The following CSGALNACT1 variants were observed in gnomAD, a reference collection of about 807,000 sequenced individuals.
CSGALNACT1 encodes the protein beta4GalNAcT-1.
CSGALNACT1 carries 52 observed loss-of-function variants against 51.0 expected under a neutral mutation model. The ratio of observed to expected loss-of-function variants is 1.02; its 90% CI spans 0.82 to 1.29. The LOEUF is 1.29. Ranked by LOEUF, CSGALNACT1 falls within the 50% of genes most tolerant of loss-of-function variation. The probability of loss-of-function intolerance (pLI) is 0.00; values close to 1 mark genes in which losing one functional copy is unlikely to be tolerated. For missense variants in CSGALNACT1, 935 were observed against 679.2 expected, an observed-to-expected ratio of 1.38 and a Z score of -4.19; for synonymous variants, 341 against 254.4, an observed-to-expected ratio of 1.34 and a Z score of -3.24.
chr8:19,481,660 ACAT>A (rs2071432927), intron 4 of CSGALNACT1, among the ~76,000 whole-genome samples: 1 of 152,178 alleles, frequency 6.6e-6, no homozygotes, highest in Admixed American at 6.5e-5. Flanking sequence ...AATCAAAATG[ACAT>A]CATAGTCGTT....
At chr8:19,571,874 G>C (rs771035962) in intron 3 of CSGALNACT1, among the ~76,000 whole-genome samples, 1 of 152,158 alleles carries the variant, frequency 6.6e-6, no homozygotes, top group Non-Finnish European at 1.5e-5. Context: ...CCTAAAAGAA[G>C]TTACTGTAAG....
chr8:19,428,340 G>A (rs555428252), intron 6 of CSGALNACT1, among the ~76,000 whole-genome samples: 24 of 152,302 alleles, frequency 1.6e-4, no homozygotes, highest in African/African-American at 4.3e-4. Flanking sequence ...CATTCATGGC[G>A]GAAGGCAGAA....
At chr8:19,662,993 G>A (rs1342055412) in intron 1 of CSGALNACT1, among the ~76,000 whole-genome samples, 1 of 152,142 alleles carries the variant, frequency 6.6e-6, no homozygotes, top group East Asian at 1.9e-4. Flanking sequence ...GAAAAGGAAA[G>A]GGGGAAAAAA....
At chr8:19,571,570 C>T (rs1588506239) in intron 3 of CSGALNACT1, among the ~76,000 whole-genome samples, 1 of 151,904 alleles carries the variant, frequency 6.6e-6, no homozygotes, top group East Asian at 1.9e-4. Flanking sequence ...TAAAAAGGAT[C>T]TACACATATT....
At chr8:19,705,206 A>G (rs1242795005) in intron 1 of CSGALNACT1, among the ~76,000 whole-genome samples, 1 of 152,226 alleles carries the variant, frequency 6.6e-6, no homozygotes, top group Non-Finnish European at 1.5e-5. Flanking sequence ...TTATACTTCA[A>G]TAAACTTGGG....
chr8:19,610,032 G>A (rs768102471), intron 1 of CSGALNACT1, among the ~76,000 whole-genome samples: 3 of 151,936 alleles, frequency 2.0e-5, no homozygotes, highest in Non-Finnish European at 4.4e-5. Context: ...GATCAGCCTG[G>A]CTAAGATGGT....
chr8:19,475,406 C>T (rs781408250), intron 4 of CSGALNACT1, among the ~76,000 whole-genome samples: 2 of 152,092 alleles, frequency 1.3e-5, no homozygotes, highest in Non-Finnish European at 2.9e-5. Context: ...TCAGACAATC[C>T]CTACAGCTAA....
intron 3 of CSGALNACT1, among the ~76,000 whole-genome samples, chr8:19,580,110 C>T (rs747609605): frequency 6.6e-6 from 1 of 152,190 alleles, no homozygotes; most frequent in Admixed American, 6.5e-5. Context: ...TTGCACTGGA[C>T]GAGCAGACAG....
intron 1 of CSGALNACT1, among the ~76,000 whole-genome samples, chr8:19,611,110 G>A (rs1340041595): frequency 1.3e-5 from 2 of 152,330 alleles, no homozygotes; most frequent in African/African-American, 4.8e-5. Context: ...AGTTAAAATT[G>A]TGAGTAATTA....
chr8:19,593,894 C>A lies in CSGALNACT1; in HGVS notation c.-415-2616G>T, dbSNP rs74447803. Among the ~76,000 whole-genome samples, 1,907 of 152,290 alleles carry A rather than the reference C, an allele frequency of 0.013. 87 individuals carry two copies. In the East Asian group the frequency reaches 0.15, roughly 12 times the overall value. ...TCTCAAGACCCTTCTCAACCTTGTG[C>A]TGAAACTTAATTTTCCTTCCCTGTC... On this transcript the variant is annotated intron_variant, in intron 2 of 9. Coordinates refer to ENST00000454498, the Ensembl canonical transcript of CSGALNACT1.
At chr8:19,453,679 AGGTG>A (rs2063575702) in intron 5 of CSGALNACT1, among the ~76,000 whole-genome samples, 1 of 152,210 alleles carries the variant, frequency 6.6e-6, no homozygotes, top group South Asian at 2.1e-4. Context: ...TGGGAGGCTG[AGGTG>A]GGCAGATCCC....
chr8:19,688,294 A>G (rs756078436), intron 1 of CSGALNACT1, among the ~76,000 whole-genome samples: 1 of 152,174 alleles, frequency 6.6e-6, no homozygotes, highest in Non-Finnish European at 1.5e-5. Flanking sequence ...TCATACCTAT[A>G]GGGACGTCAC....
rs117834961 is a variant in CSGALNACT1, at chr8:19,563,878, T to A, written c.-297+27282A>T. Among the ~76,000 whole-genome samples, 646 of 151,996 alleles carry A rather than the reference T, an allele frequency of 4.3e-3. 1 individual carries two copies. The highest frequency in any genetic ancestry group is 7.0e-3 in the Non-Finnish European group (479 of 67,964). The stretch of plus-strand genomic sequence containing the variant: ...CCCTTCAGCCCCTCCCCCAGGCATG[T>A]CCTCCCCAACCCTAGACTCCCACCA... On this transcript the variant is annotated intron_variant, in intron 3 of 9. Transcript: ENST00000454498.
At chr8:19,529,873 C>A (rs2082400535) in intron 3 of CSGALNACT1, among the ~76,000 whole-genome samples, 1 of 152,116 alleles carries the variant, frequency 6.6e-6, no homozygotes, top group Non-Finnish European at 1.5e-5. Context: ...ATGTAAATAG[C>A]TATTGTACTA....
Position 19,709,249 on chromosome 8 carries a change from C to T in CSGALNACT1, c.-297+48601G>A, listed in dbSNP as rs1030827637. Among the ~76,000 whole-genome samples, 4 of 152,178 alleles carry T rather than the reference C, an allele frequency of 2.6e-5. No homozygotes were observed. In the South Asian group the frequency reaches 6.2e-4, roughly 24 times the overall value. On this transcript the variant is annotated intron_variant, in intron 1 of 1. Coordinates refer to the CSGALNACT1 transcript ENST00000517494. ...TAGAAAAAGGACTCAAGCCTATGCT[C>T]AGTATCCCTTCAATGCATCTTGATA...
At chr8:19,561,128 G>A (rs1015403621) in intron 3 of CSGALNACT1, among the ~76,000 whole-genome samples, 3 of 152,068 alleles carry the variant, frequency 2.0e-5, no homozygotes, top group Non-Finnish European at 4.4e-5. Flanking sequence ...TTAAAGCAAG[G>A]CAATTATCAT....
intron 3 of CSGALNACT1, among the ~76,000 whole-genome samples, chr8:19,535,493 A>C (rs556179459): frequency 2.4e-4 from 37 of 152,372 alleles, no homozygotes; most frequent in Admixed American, 1.7e-3. Context: ...TAGACAAAAT[A>C]CACTTATATA....
chr8:19,492,104 G>A lies in CSGALNACT1; in HGVS notation c.634+13097C>T, dbSNP rs144723995. 3.3e-3 allele frequency among the ~76,000 whole-genome samples: 498 copies of A among 152,334 alleles called. 4 individuals are homozygous for A. The highest frequency in any genetic ancestry group is 0.012 in the African/African-American group (484 of 41,584). The stretch of plus-strand genomic sequence containing the variant: ...TACAATGCCACTCATGGGAACATTG[G>A]TAACTAGTGAGAATCCTTTGGAAAA... On this transcript the variant is annotated intron_variant, in intron 4 of 9. Coordinates refer to ENST00000454498, the Ensembl canonical transcript of CSGALNACT1.
intron 4 of CSGALNACT1, among the ~76,000 whole-genome samples, chr8:19,482,802 AT>A (rs1489474672): frequency 4.6e-5 from 7 of 152,110 alleles, no homozygotes; most frequent in African/African-American, 1.7e-4. Flanking sequence ...TCCAAATTTG[AT>A]TTTTATTTTG....
Sources: gnomAD v4.1 joint callset for allele counts (sites outside exome capture counted in the v4.1 genomes callset) on GRCh38, gnomAD v4.1.1 for gene constraint, MANE v1.5 for transcripts, NCBI Gene and HGNC (gene_info 2026-07-23, HGNC 2026-07-21) for gene names.